Variants in C7orf78 observed in about 807,000 individuals in gnomAD.
The protein encoded by C7orf78 is putative uncharacterized protein C7orf78.
At chr7:12,511,684 G>C in the C7orf78 span, among the ~76,000 whole-genome samples, 1 of 152,070 alleles carries the variant, frequency 6.6e-6, no homozygotes, top group Non-Finnish European at 1.5e-5. Context: ...TTGGTGTATA[G>C]AAACACTACT....
At chr7:12,527,288 T>A in the C7orf78 span, among the ~76,000 whole-genome samples, 3 of 113,670 alleles carry the variant, frequency 2.6e-5, no homozygotes, top group African/African-American at 3.9e-5. Flanking sequence ...GTCACTCACT[T>A]TGGTAGAAAA....
chr7:12,517,009 T>G, the C7orf78 span, among the ~76,000 whole-genome samples: 2 of 152,032 alleles, frequency 1.3e-5, no homozygotes, highest in African/African-American at 4.8e-5. Context: ...TGGGAAGGCA[T>G]GATTGGTTTT....
chr7:12,523,008 A>G, the C7orf78 span: 1 of 398,134 alleles, frequency 2.5e-6, no homozygotes, highest in South Asian at 1.3e-4. Flanking sequence ...ATAATATACC[A>G]TGAGTCTCAG....
At chr7:12,521,185 T>G in the C7orf78 span, among the ~76,000 whole-genome samples, 1 of 152,262 alleles carries the variant, frequency 6.6e-6, no homozygotes, top group East Asian at 1.9e-4. Flanking sequence ...CTACGTTTTT[T>G]AATTGGGGAA....
the C7orf78 span, among the ~76,000 whole-genome samples, chr7:12,503,078 T>C: frequency 1.6e-5 from 2 of 122,210 alleles, no homozygotes; most frequent in African/African-American, 7.2e-5. Flanking sequence ...CTCTGGGGAC[T>C]GTTGTGGGGT....
At chr7:12,496,437 A>C in the C7orf78 span, 1 of 152,236 alleles carries the variant, frequency 6.6e-6, no homozygotes, top group African/African-American at 2.4e-5. Flanking sequence ...CTGTTCGTCC[A>C]TCCAAACTCC....
the C7orf78 span, among the ~76,000 whole-genome samples, chr7:12,534,316 T>C: frequency 1.3e-3 from 193 of 152,356 alleles, no homozygotes; most frequent in African/African-American, 4.4e-3. Context: ...ATAAGAAATA[T>C]ATATGACTTC....
chr7:12,540,004 A>C, the C7orf78 span, among the ~76,000 whole-genome samples: 11 of 152,316 alleles, frequency 7.2e-5, no homozygotes, highest in African/African-American at 2.6e-4. Context: ...AGCTTTAAGA[A>C]CAGAAAGGTC....
At chr7:12,524,457 G>A in the C7orf78 span, among the ~76,000 whole-genome samples, 1 of 152,216 alleles carries the variant, frequency 6.6e-6, no homozygotes, top group East Asian at 1.9e-4. Flanking sequence ...GATGAGGGAG[G>A]TCATGTAAAT....
chr7:12,484,628 T>C, the C7orf78 span, among the ~76,000 whole-genome samples: 1 of 152,214 alleles, frequency 6.6e-6, no homozygotes, highest in Non-Finnish European at 1.5e-5. Context: ...TACCATATAT[T>C]CTGCTATCAG....
chr7:12,503,306 A>C, the C7orf78 span, among the ~76,000 whole-genome samples: 1 of 152,060 alleles, frequency 6.6e-6, no homozygotes, highest in African/African-American at 2.4e-5. Flanking sequence ...ATAATTGGAA[A>C]CTTGAATTGT....
chr7:12,541,395 G>T, the C7orf78 span: 2 of 152,124 alleles, frequency 1.3e-5, 1 homozygote, highest in South Asian at 4.1e-4. Context: ...AAGGATGACT[G>T]TTATGCTGTG....
At chr7:12,525,486 T>C in the C7orf78 span, among the ~76,000 whole-genome samples, 6 of 152,082 alleles carry the variant, frequency 3.9e-5, no homozygotes, top group African/African-American at 1.2e-4. Context: ...AAGTTTAAGA[T>C]TGCAAGTTTA....
the C7orf78 span, among the ~76,000 whole-genome samples, chr7:12,532,421 C>T: frequency 3.3e-5 from 5 of 151,760 alleles, no homozygotes; most frequent in Admixed American, 3.3e-4. Flanking sequence ...TAATGGTGGG[C>T]GCCTGTAATC....
At chr7:12,492,006 G>A in the C7orf78 span, 1 of 152,102 alleles carries the variant, frequency 6.6e-6, no homozygotes, top group African/African-American at 2.4e-5. Context: ...AAACTATGAA[G>A]AAGAAGAACA....
the C7orf78 span, among the ~76,000 whole-genome samples, chr7:12,531,470 G>C: frequency 6.6e-6 from 1 of 152,110 alleles, no homozygotes; most frequent in Non-Finnish European, 1.5e-5. Context: ...CCTGTAATTT[G>C]TGATCTTGGA....
the C7orf78 span, among the ~76,000 whole-genome samples, chr7:12,527,965 A>C: frequency 7.1e-6 from 1 of 140,960 alleles, no homozygotes; most frequent in African/African-American, 2.7e-5. Flanking sequence ...GGAACATGTC[A>C]GCTTTCCTAG....
chr7:12,514,979 A>T, the C7orf78 span, among the ~76,000 whole-genome samples: 70 of 152,320 alleles, frequency 4.6e-4, no homozygotes, highest in Non-Finnish European at 8.7e-4. Flanking sequence ...TTCTGATGAG[A>T]AATCTGCTCT....
the C7orf78 span, among the ~76,000 whole-genome samples, chr7:12,531,880 A>G: frequency 6.6e-6 from 1 of 152,178 alleles, no homozygotes; most frequent in Admixed American, 6.5e-5. Flanking sequence ...AACATCGGAA[A>G]AAGGGGAAAG....
Sources: allele counts gnomAD v4.1 joint callset (sites outside exome capture counted in the v4.1 genomes callset), GRCh38; gene constraint gnomAD v4.1.1; transcripts MANE v1.5; gene names NCBI Gene and HGNC (gene_info 2026-07-23, HGNC 2026-07-21).